KIAA1217: variants seen among roughly 807,000 people sequenced by gnomAD.
KIAA1217 encodes the protein sickle tail protein homolog.
KIAA1217 carries 88 observed loss-of-function variants against 163.9 expected under a neutral mutation model. The observed-to-expected ratio is 0.54, with a 90% CI of 0.45 to 0.64. KIAA1217 has a LOEUF of 0.64. KIAA1217 is among the 30% of genes least tolerant of loss of function. KIAA1217 has a pLI of 0.00. For synonymous variants in KIAA1217, 903 were observed against 923.1 expected (o/e 0.98, Z 0.39); for missense variants, 2,372 against 2,475.0 (o/e 0.96, Z 0.88).
intron 1 of KIAA1217, among the ~76,000 whole-genome samples, chr10:23,779,398 G>A (rs568190990): frequency 6.6e-6 from 1 of 152,268 alleles, no homozygotes; most frequent in South Asian, 2.1e-4. Context: ...CACTCCAGCA[G>A]AATAGAAACC....
chr10:24,090,076 C>T (rs2061865028), intron 2 of KIAA1217, among the ~76,000 whole-genome samples: 2 of 151,574 alleles, frequency 1.3e-5, no homozygotes, highest in African/African-American at 2.4e-5. Context: ...TTGCTCTCCT[C>T]TGCCGTCTAA....
intron 2 of KIAA1217, among the ~76,000 whole-genome samples, chr10:24,307,976 A>G (rs1241050011): frequency 1.3e-5 from 2 of 152,340 alleles, no homozygotes; most frequent in East Asian, 3.9e-4. Flanking sequence ...CCTGAGCCAT[A>G]GAAAGCTTTT....
intron 1 of KIAA1217, among the ~76,000 whole-genome samples, chr10:23,712,929 G>T (rs976026437): frequency 3.9e-5 from 6 of 152,026 alleles, no homozygotes; most frequent in African/African-American, 9.7e-5. Flanking sequence ...AGACAGAATT[G>T]CTTCTGGTAT....
At chr10:24,258,923 T>A (rs570990478) in intron 2 of KIAA1217, among the ~76,000 whole-genome samples, 1 of 152,248 alleles carries the variant, frequency 6.6e-6, no homozygotes, top group African/African-American at 2.4e-5. Context: ...CACAGCTGCC[T>A]GTTGACCTGG....
At chr10:24,258,071 CT>C (rs907677168) in intron 2 of KIAA1217, among the ~76,000 whole-genome samples, 2 of 152,080 alleles carry the variant, frequency 1.3e-5, no homozygotes, top group African/African-American at 4.8e-5. Flanking sequence ...ATCCCAGCTA[CT>C]TGGGAGGCTG....
intron 2 of KIAA1217, among the ~76,000 whole-genome samples, chr10:24,162,029 G>C (rs910017970): frequency 6.6e-6 from 1 of 152,212 alleles, no homozygotes; most frequent in East Asian, 1.9e-4. Flanking sequence ...GAGGTGCTCA[G>C]TGATGCTTTC....
intron 2 of KIAA1217, among the ~76,000 whole-genome samples, chr10:24,101,791 G>A (rs766878890): frequency 1.3e-5 from 2 of 152,080 alleles, no homozygotes; most frequent in Non-Finnish European, 2.9e-5. Flanking sequence ...TTTGGTTCTG[G>A]TTTTGCTTTT....
rs774218740 is a variant in KIAA1217 at position 24,258,017 on chromosome 10, G to A, written c.354+38108G>A. ...ATATTTACCAGTACTTGTACCTTGC[G>A]CTTTTAAAAACTCTTTAGCCAGGGA... On this transcript the variant is annotated intron_variant, in intron 2 of 20. Transcript: ENST00000376454. Among the ~76,000 whole-genome samples, 6 of 152,062 alleles carry A rather than the reference G, an allele frequency of 3.9e-5. No individual in the cohort carries two copies. The East Asian group carries it at 5.8e-4, about 15-fold the overall frequency.
At chr10:24,000,872 G>A (rs1481556200) in intron 1 of KIAA1217, among the ~76,000 whole-genome samples, 1 of 152,374 alleles carries the variant, frequency 6.6e-6, no homozygotes, top group South Asian at 2.1e-4. Flanking sequence ...GGCACTGAGG[G>A]CAAGTGAGAG....
In KIAA1217 at chr10:24,486,790, A is replaced by AT. The variant is rs893953315; in HGVS notation, c.1680-7701dup. Among the ~76,000 whole-genome samples the AT allele has an allele frequency of 1.6e-3, 248 of 151,460 alleles. 2 individuals carry two copies. The highest frequency in any genetic ancestry group is 5.8e-3 in the African/African-American group (238 of 41,254). On this transcript the variant is annotated intron_variant, in intron 6 of 20. Coordinates refer to ENST00000376454, the MANE Select transcript of KIAA1217 (RefSeq NM_019590.5). ...CTCTTCTTTCTATCTCTCTTCCCAGATTTTTTTTTCTCCTTCATGTTCGTT... is the reference window on the plus strand; with the variant it reads ...CTCTTCTTTCTATCTCTCTTCCCAGATTTTTTTTTTCTCCTTCATGTTCGTT...
chr10:24,449,307 T>C, intron 5 of KIAA1217: 1 of 250,424 alleles, frequency 4.0e-6, no homozygotes, highest in Non-Finnish European at 6.3e-6. Flanking sequence ...GCGTGGCTGC[T>C]TGCTTTTCCT....
At chr10:23,794,440 A>G (rs1258218326) in intron 1 of KIAA1217, among the ~76,000 whole-genome samples, 1 of 152,228 alleles carries the variant, frequency 6.6e-6, no homozygotes, top group Non-Finnish European at 1.5e-5. Flanking sequence ...TCAAGTTTTC[A>G]CTAAAGAATG....
intron 2 of KIAA1217, among the ~76,000 whole-genome samples, chr10:24,148,144 T>A (rs1390753084): frequency 6.6e-6 from 1 of 151,088 alleles, no homozygotes; most frequent in Non-Finnish European, 1.5e-5. Context: ...AAAGGAGACT[T>A]TTTTTTCTTG....
At chr10:23,842,962 AATT>A (rs1838857951) in intron 1 of KIAA1217, among the ~76,000 whole-genome samples, 1 of 152,172 alleles carries the variant, frequency 6.6e-6, no homozygotes, top group African/African-American at 2.4e-5. Context: ...ACCAAGTAAA[AATT>A]ATTATCTTGG....
At chr10:24,321,717 C>T (rs2044184744) in intron 2 of KIAA1217, among the ~76,000 whole-genome samples, 2 of 152,002 alleles carry the variant, frequency 1.3e-5, no homozygotes, top group African/African-American at 2.4e-5. Flanking sequence ...TTAGGGTAGT[C>T]GAATTCAGAG....
intron 1 of KIAA1217, among the ~76,000 whole-genome samples, chr10:23,958,000 C>T (rs1844646033): frequency 6.6e-6 from 1 of 152,050 alleles, no homozygotes; most frequent in Non-Finnish European, 1.5e-5. Flanking sequence ...CATTCCATTC[C>T]CTGAGAGAAT....
At chr10:24,424,034 T>C (rs928892461) in intron 3 of KIAA1217, among the ~76,000 whole-genome samples, 1 of 152,034 alleles carries the variant, frequency 6.6e-6, no homozygotes, top group Non-Finnish European at 1.5e-5. Context: ...CAATTCAAGA[T>C]AAAAACAGTG....
chr10:23,892,678 C>CT (rs1195414141), intron 1 of KIAA1217, among the ~76,000 whole-genome samples: 2 of 151,810 alleles, frequency 1.3e-5, no homozygotes, highest in Admixed American at 1.3e-4. Flanking sequence ...TGTTAAATGT[C>CT]TTTTAATAAT....
At chr10:24,314,859 G>C (rs965800399) in intron 2 of KIAA1217, among the ~76,000 whole-genome samples, 4 of 152,148 alleles carry the variant, frequency 2.6e-5, no homozygotes, top group African/African-American at 9.7e-5. Context: ...CAGGAGAATG[G>C]CGTGAACCCA....
Sources: allele counts gnomAD v4.1 joint callset (sites outside exome capture counted in the v4.1 genomes callset), GRCh38; gene constraint gnomAD v4.1.1; transcripts MANE v1.5; gene names NCBI Gene and HGNC (gene_info 2026-07-23, HGNC 2026-07-21).